C2: variants seen among roughly 807,000 people sequenced by gnomAD.
C2 encodes the protein C3/C5 convertase.
Under a neutral mutation model 85.2 loss-of-function variants are expected in C2, and 64 were observed. The ratio of observed to expected loss-of-function variants is 0.75; its 90% CI spans 0.61 to 0.92. The LOEUF (loss-of-function observed/expected upper bound fraction) is 0.92. Ranked by LOEUF, C2 falls within the 40% of genes least tolerant of loss-of-function variation. The pLI, the probability that C2 is intolerant of heterozygous loss-of-function variation, is 0.00. For synonymous variants in C2, 311 were observed against 370.8 expected (o/e 0.84, Z 1.85); for missense variants, 820 against 971.6 (o/e 0.84, Z 2.07).
chr6:31,944,203 A>C lies in C2; in HGVS notation c.1879A>C (p.Ile627Leu). Reference sequence around the variant, plus strand: ...CGCCTTGAATGGGAGCAAACTGAACATTAACCTTAAGATGGGAGTGGAGGT... The same window carrying C: ...CGCCTTGAATGGGAGCAAACTGAACCTTAACCTTAAGATGGGAGTGGAGGT... ...FVALNGSKLNINLKMGVEWTS... is the reference protein window; with the variant it reads ...FVALNGSKLNLNLKMGVEWTS... Residue 627 changes from isoleucine to leucine, a missense_variant, in exon 15 of 18, where the codon ATT (isoleucine) becomes CTT (leucine). Coordinates refer to ENST00000299367, the MANE Select transcript of C2 (RefSeq NM_000063.6). This position sits in a 1 kb window ranked among gnomAD's most constrained non-coding sequence, Gnocchi z 5.1. 6.2e-7 allele frequency: 1 copy of C among 1,611,920 alleles called. No individual in the cohort carries two copies. Among genetic ancestry groups the C allele is most frequent in the Non-Finnish European group, 8.5e-7 (1 of 1,179,002 alleles).
At chr6:31,940,437 C>T (rs1298207622) in intron 9 of C2, among the ~76,000 whole-genome samples, 1 of 152,234 alleles carries the variant, frequency 6.6e-6, no homozygotes, top group African/African-American at 2.4e-5. Context: ...AAGGCTTTGG[C>T]AGTTGCAGCC....
rs760380459 is a variant in C2 at position 31,943,481 on chromosome 6, T to C, written c.1521T>C (p.His507=). ...ACCAATGGGTCCTGACAGCAGCTCA[T>C]TGCTTCCGCGATGGCAACGACCACT... ...ISDQWVLTAA[H]CFRDGNDHSL... is the part of the protein sequence containing the mutation. The change falls in exon 12 of 18, where the codon CAT becomes CAC. Residue 507 remains histidine (H), a synonymous_variant. Coordinates refer to ENST00000299367, the MANE Select transcript of C2 (RefSeq NM_000063.6). The surrounding 1 kb of genome is among the most constrained non-coding windows in gnomAD (Gnocchi z 6.4). The C allele has an allele frequency of 1.2e-6, 2 of 1,613,044 alleles. No homozygotes were observed. Among genetic ancestry groups the C allele is most frequent in the Non-Finnish European group, 1.7e-6 (2 of 1,180,028 alleles).
chr6:31,927,293 T>G (rs1769331528), upstream of C2, among the ~76,000 whole-genome samples: 1 of 152,246 alleles, frequency 6.6e-6, no homozygotes, highest in Non-Finnish European at 1.5e-5. The surrounding 1 kb of genome is among the most constrained non-coding windows in gnomAD (Gnocchi z 4.7). Context: ...AAAAGAACAC[T>G]AAAACTTTAC....
At chr6:31,915,911 G>A (rs1042826425), upstream of C2, among the ~76,000 whole-genome samples, 2 of 152,174 alleles carry the variant, frequency 1.3e-5, no homozygotes, top group African/African-American at 2.4e-5. Context: ...TCGGTGTAGC[G>A]CTGACTGGCT....
upstream of C2, among the ~76,000 whole-genome samples, chr6:31,925,424 C>T (rs1769202488): frequency 6.6e-6 from 1 of 152,036 alleles, no homozygotes. Flanking sequence ...TCCTGAGCAG[C>T]TGGGATTACA....
At chr6:31,912,651 C>A (rs1456749133) in intron 1 of C2, among the ~76,000 whole-genome samples, 2 of 151,846 alleles carry the variant, frequency 1.3e-5, no homozygotes, top group Non-Finnish European at 2.9e-5. Context: ...ACCAGTCTGG[C>A]CAACATGGTG....
At chr6:31,911,356 G>A (rs1319208445) in intron 1 of C2, among the ~76,000 whole-genome samples, 1 of 151,880 alleles carries the variant, frequency 6.6e-6, no homozygotes, top group East Asian at 1.9e-4. Context: ...TGAAGGGAAT[G>A]GTTAAAAAGT....
intron 7 of C2, 47 bp downstream of exon 7, chr6:31,936,108 C>A (rs1770398060): frequency 6.3e-7 from 1 of 1,599,046 alleles, no homozygotes; most frequent in Non-Finnish European, 8.5e-7. Flanking sequence ...GAAGATGGAC[C>A]CTCTCAGGGC....
Position 31,943,272 on chromosome 6 carries a change from G to A in C2, c.1408G>A (p.Ala470Thr). The change falls in exon 11 of 18, where the codon GCA (alanine) becomes ACA (threonine). Residue 470 changes from alanine (A) to threonine (T), a missense_variant. By Grantham distance (58) the Ala-to-Thr change is moderately conservative (BLOSUM62 0). Coordinates refer to ENST00000299367, the MANE Select transcript of C2 (RefSeq NM_000063.6). This position sits in a 1 kb window ranked among gnomAD's most constrained non-coding sequence, Gnocchi z 6.4. ...DTICGVGNMS[A>T]NASDQERTPW... ...CATCTGCGGGGTGGGGAACATGTCA[G>A]CAAACGCCTCTGACCAGGAGAGGAC... The A allele has an allele frequency of 1.2e-6, 2 of 1,613,018 alleles. No individual in the cohort carries two copies. The highest frequency in any genetic ancestry group is 1.1e-5 in the South Asian group (1 of 91,084).
upstream of C2, among the ~76,000 whole-genome samples, chr6:31,918,736 A>G (rs1053751089): frequency 6.6e-6 from 1 of 152,002 alleles, no homozygotes; most frequent in Non-Finnish European, 1.5e-5. Flanking sequence ...CATCTCTACT[A>G]AAAATACAAA....
At position 31,928,871 on chromosome 6, in the gene C2, C is replaced by T. The variant is rs1769493423; in HGVS notation, c.396C>T (p.Arg132=). ...ILRGSPVRQC[R]PNGMWDGETA... ...GGGGCTCGCCTGTGCGTCAGTGTCG[C>T]CCCAACGGCATGTGGGATGGAGAAA... is the stretch of plus-strand genomic sequence containing the variant. The change falls in exon 3 of 18, where the codon CGC becomes CGT. Residue 132 remains arginine, a synonymous_variant. Coordinates refer to ENST00000299367, the MANE Select transcript of C2 (RefSeq NM_000063.6). 6.2e-7 allele frequency: 1 copy of T among 1,614,032 alleles called. No individual in the cohort carries two copies. Among genetic ancestry groups the T allele is most frequent in the Non-Finnish European group, 8.5e-7 (1 of 1,180,014 alleles).
intron 8 of C2, among the ~76,000 whole-genome samples, chr6:31,938,460 AT>A (rs1770606047): frequency 6.9e-6 from 1 of 145,824 alleles, no homozygotes. Context: ...ATGTATGTAT[AT>A]ATATATATAT....
chr6:31,899,935 G>A (rs1242723517), upstream of C2: 1 of 1,582,562 alleles, frequency 6.3e-7, no homozygotes, highest in East Asian at 2.3e-5. Context: ...GCTAGCGGAT[G>A]AGGACGTTAA....
intron 1 of C2, among the ~76,000 whole-genome samples, chr6:31,909,035 A>G (rs778300583): frequency 6.6e-6 from 1 of 151,970 alleles, no homozygotes; most frequent in Non-Finnish European, 1.5e-5. Flanking sequence ...TTCAGTATCT[A>G]TGCAGTTGTA....
chr6:31,936,715 G>A (rs956816200), intron 7 of C2: 2 of 157,866 alleles, frequency 1.3e-5, no homozygotes, highest in African/African-American at 4.8e-5. Context: ...CACTATGTTG[G>A]TCAGGCTGGT....
Position 31,934,212 on chromosome 6 carries a change from C to G in C2, c.762C>G (p.Asn254Lys). Reference protein sequence around the residue: ...KIQIQRSGHLNLYLLLDCSQS... With the variant: ...KIQIQRSGHLKLYLLLDCSQS... The stretch of plus-strand genomic sequence containing the variant: ...AAATCCAGCGCTCTGGTCATCTGAA[C>G]CTCTACCTGCTCCTGGACTGTTCGC... The change falls in exon 6 of 18, where the codon AAC becomes AAG. Residue 254 changes from asparagine to lysine, a missense_variant. Transcript: ENST00000299367. The G allele has an allele frequency of 6.2e-7, 1 of 1,614,184 alleles. No homozygotes were observed. The highest frequency in any genetic ancestry group is 8.5e-7 in the Non-Finnish European group (1 of 1,180,024).
At chr6:31,911,963 G>A (rs114408539) in intron 1 of C2, among the ~76,000 whole-genome samples, 4,991 of 131,564 alleles carry the variant, frequency 0.038, 164 homozygotes, top group Middle Eastern at 0.05. Flanking sequence ...ATTTGAGACC[G>A]GGTCACTACG....
intron 1 of C2, among the ~76,000 whole-genome samples, chr6:31,905,573 C>G (rs569415859): frequency 3.3e-5 from 5 of 151,648 alleles, no homozygotes; most frequent in African/African-American, 9.7e-5. Flanking sequence ...TTGAGACCAG[C>G]CTGGGCAACA....
upstream of C2, among the ~76,000 whole-genome samples, chr6:31,898,147 T>C (rs1048890740): frequency 6.6e-6 from 1 of 152,216 alleles, no homozygotes; most frequent in African/African-American, 2.4e-5. Flanking sequence ...AGGACACCTT[T>C]ATTCTTGGCT....
Sources: allele counts gnomAD v4.1 joint callset (sites outside exome capture counted in the v4.1 genomes callset), GRCh38; gene constraint gnomAD v4.1.1; non-coding constraint Gnocchi (gnomAD v3.1); transcripts MANE v1.5; gene names NCBI Gene and HGNC (gene_info 2026-07-23, HGNC 2026-07-21).